CDKL3: variants seen among roughly 807,000 people sequenced by gnomAD.
CDKL3 encodes cyclin dependent kinase like 3.
CDKL3 carries 65 observed loss-of-function variants against 69.3 expected under a neutral mutation model. That is an observed-to-expected ratio of 0.94 (90% confidence interval 0.77 to 1.15). The LOEUF is 1.15. Among genes scored for constraint, CDKL3 ranks in the 50% most tolerant of loss-of-function variants. The pLI is 0.00. For missense variants in CDKL3, 652 were observed against 689.2 expected (o/e 0.95, Z 0.61); for synonymous variants, 202 against 221.6 (o/e 0.91, Z 0.79).
rs1561489951 is a variant in CDKL3 at position 134,298,725 on chromosome 5, C to T, written c.1720-15G>A. ...CCATCTCCACCCTAAAATTAGAAAC[C>T]AAGCTAGTAAGAATCAGGGACTGGA... On this transcript the variant is annotated splice_polypyrimidine_tract_variant and intron_variant, in intron 12 of 12. Transcript: ENST00000265334. The T allele has an allele frequency of 1.2e-6, 2 of 1,609,886 alleles. No homozygotes were observed. The highest frequency in any genetic ancestry group is 2.2e-5 in the South Asian group (2 of 90,126).
intron 3 of CDKL3, among the ~76,000 whole-genome samples, chr5:134,355,211 C>T (rs1177632662): frequency 3.6e-5 from 5 of 137,144 alleles, no homozygotes; most frequent in African/African-American, 1.1e-4. Flanking sequence ...CCAGCCTGAG[C>T]GACGGAGCAA....
At chr5:134,337,323 C>T (rs961424465) in intron 4 of CDKL3, among the ~76,000 whole-genome samples, 1 of 152,196 alleles carries the variant, frequency 6.6e-6, no homozygotes, top group Admixed American at 6.5e-5. Flanking sequence ...TGAGGCGACG[C>T]CCCTCCCTGC....
Position 134,360,155 on chromosome 5 carries a change from C to T in CDKL3, c.166-64G>A, listed in dbSNP as rs116183534. 8.1e-4 allele frequency: 898 copies of T among 1,105,388 alleles called. 5 individuals carry two copies. The African/African-American group carries it at 0.013, about 16-fold the overall frequency. The allele number at this position is 1,105,388 out of a possible 1,614,324, so 68.5% of individuals were successfully genotyped here. A position where few individuals can be genotyped will look rare whatever the true frequency, so the allele number is the denominator to read the frequency against. On this transcript the variant is annotated intron_variant, in intron 2 of 12. Transcript: ENST00000265334. The stretch of plus-strand genomic sequence containing the variant: ...CAAGCCTAACAATTTGTACATATAA[C>T]GTGTAAATTTTGTAAAGAAACAGTC...
intron 3 of CDKL3, among the ~76,000 whole-genome samples, chr5:134,353,315 G>C (rs928221596): frequency 6.6e-6 from 1 of 152,024 alleles, no homozygotes; most frequent in Non-Finnish European, 1.5e-5. Flanking sequence ...TTCTATTCCA[G>C]TGAATGGAAC....
At chr5:134,296,830 C>T (rs1429275352), downstream of CDKL3, among the ~76,000 whole-genome samples, 3 of 151,884 alleles carry the variant, frequency 2.0e-5, no homozygotes, top group South Asian at 2.1e-4. Context: ...CGCACACACA[C>T]GGATCTCTAT....
In CDKL3 at chr5:134,351,998, CTTCT is replaced by C. The variant is rs761981658; in HGVS notation, c.361-1575_361-1572del. On this transcript the variant is annotated intron_variant, in intron 3 of 12. Transcript: ENST00000265334. ...TATAATAGATCTCTTGAACTTATTC[CTTCT>C]TTCTAACTGAATTTTTGTATCCCTT... Among the ~76,000 whole-genome samples the C allele has an allele frequency of 4.6e-4, 70 of 151,976 alleles. 1 individual carries two copies. The highest frequency in any genetic ancestry group is 1.2e-3 in the Admixed American group (19 of 15,238).
At chr5:134,311,257 A>G (rs1769413780) in intron 7 of CDKL3, among the ~76,000 whole-genome samples, 1 of 152,240 alleles carries the variant, frequency 6.6e-6, no homozygotes, top group Admixed American at 6.5e-5. Context: ...TAATCCCAAC[A>G]CTTCGGGAGG....
intron 12 of CDKL3, chr5:134,299,556 G>C: frequency 8.2e-7 from 1 of 1,212,464 alleles, no homozygotes; most frequent in Non-Finnish European, 1.1e-6. Context: ...TTAGGTGAAT[G>C]TACATATAAC....
chr5:134,285,703 T>C (rs541587731), downstream of CDKL3, among the ~76,000 whole-genome samples: 1 of 152,358 alleles, frequency 6.6e-6, no homozygotes, highest in African/African-American at 2.4e-5. Context: ...CCTCAGAAAA[T>C]GGGATTTTAT....
chr5:134,369,384 T>C (rs1758093059), upstream of CDKL3, among the ~76,000 whole-genome samples: 1 of 152,222 alleles, frequency 6.6e-6, no homozygotes, highest in Non-Finnish European at 1.5e-5. Context: ...TCAGGAGGAC[T>C]CTGAGCACTT....
At chr5:134,322,949 A>G (rs1480523527) in intron 4 of CDKL3, among the ~76,000 whole-genome samples, 1 of 151,788 alleles carries the variant, frequency 6.6e-6, no homozygotes, top group East Asian at 1.9e-4. Flanking sequence ...ATTGCACTCT[A>G]GCCTGGGCAA....
intron 4 of CDKL3, among the ~76,000 whole-genome samples, chr5:134,330,482 A>G (rs148834143): frequency 2.7e-3 from 415 of 152,310 alleles, no homozygotes; most frequent in Non-Finnish European, 4.1e-3. Flanking sequence ...TGGTAGACCA[A>G]GGCAGGCAGA....
At chr5:134,301,373 A>C (rs1766271539) in intron 12 of CDKL3, among the ~76,000 whole-genome samples, 1 of 152,224 alleles carries the variant, frequency 6.6e-6, no homozygotes. Context: ...CTAGGCCAAG[A>C]CTAAAGAGAT....
intron 11 of CDKL3, among the ~76,000 whole-genome samples, chr5:134,303,964 A>C (rs1165507789): frequency 6.7e-6 from 1 of 149,720 alleles, no homozygotes; most frequent in African/African-American, 2.5e-5. Flanking sequence ...ACAGGGTCTC[A>C]TTATGTCATC....
intron 8 of CDKL3, among the ~76,000 whole-genome samples, chr5:134,287,418 A>C (rs1764918172): frequency 6.6e-6 from 1 of 152,172 alleles, no homozygotes; most frequent in Non-Finnish European, 1.5e-5. Flanking sequence ...CCTTCTTCCA[A>C]AGGAAAGGTA....
intron 4 of CDKL3, among the ~76,000 whole-genome samples, chr5:134,342,929 G>A (rs1378909428): frequency 2.0e-5 from 3 of 152,192 alleles, no homozygotes; most frequent in East Asian, 3.9e-4. Context: ...TGTCGGCTGC[G>A]TGCGGTGGCT....
At chr5:134,285,096 C>T (rs1269786293), downstream of CDKL3, among the ~76,000 whole-genome samples, 1 of 152,206 alleles carries the variant, frequency 6.6e-6, no homozygotes, top group African/African-American at 2.4e-5. Flanking sequence ...TCTGCCATGG[C>T]TTCAGCCGGT....
At chr5:134,326,817 G>GTATA (rs1164800558) in intron 4 of CDKL3, among the ~76,000 whole-genome samples, 13 of 120,466 alleles carry the variant, frequency 1.1e-4, no homozygotes, top group African/African-American at 4.6e-4. Flanking sequence ...ATATGTGTGT[G>GTATA]TATATATATA....
chr5:134,317,990 T>TGGG (rs1172992975), intron 6 of CDKL3, among the ~76,000 whole-genome samples: 2 of 151,926 alleles, frequency 1.3e-5, no homozygotes, highest in African/African-American at 2.4e-5. Flanking sequence ...GAGGCCAAGG[T>TGGG]GGGAGGATCA....
Sources: gnomAD v4.1 joint callset for allele counts (sites outside exome capture counted in the v4.1 genomes callset) on GRCh38, gnomAD v4.1.1 for gene constraint, MANE v1.5 for transcripts, NCBI Gene and HGNC (gene_info 2026-07-23, HGNC 2026-07-21) for gene names.